Variants in CDH13 observed in about 807,000 individuals in gnomAD.
The protein encoded by CDH13 is cadherin-13.
A neutral mutation model predicts 63.8 loss-of-function variants in CDH13; 24 were observed. That is an observed-to-expected ratio of 0.38 (90% CI 0.27 to 0.53). CDH13 has a LOEUF of 0.53. CDH13 is among the 20% of genes least tolerant of loss of function. The probability of loss-of-function intolerance (pLI) is 0.85; values close to 1 mark genes in which losing one functional copy is unlikely to be tolerated. For synonymous variants in CDH13, 503 were observed against 355.3 expected (o/e 1.42, Z -4.67); for missense variants, 1,049 against 903.1 (o/e 1.16, Z -2.07).
At chr16:83,589,382 A>C in intron 7 of CDH13, among the ~76,000 whole-genome samples, 1 of 131,152 alleles carries the variant, frequency 7.6e-6, no homozygotes, top group African/African-American at 2.8e-5. Context: ...CTCCCCCAAC[A>C]CCATCTTCTC....
intron 7 of CDH13, among the ~76,000 whole-genome samples, chr16:83,526,974 C>CTA (rs1012071046): frequency 6.6e-6 from 1 of 151,296 alleles, no homozygotes; most frequent in Admixed American, 6.6e-5. Flanking sequence ...TATACTAAAA[C>CTA]TACAAAAATT....
At chr16:82,845,461 A>G (rs1490369385) in intron 1 of CDH13, among the ~76,000 whole-genome samples, 2 of 152,208 alleles carry the variant, frequency 1.3e-5, no homozygotes, top group African/African-American at 2.4e-5. Context: ...CGCAGCAGCA[A>G]CTGAGATCAG....
intron 1 of CDH13, among the ~76,000 whole-genome samples, chr16:82,788,172 C>G (rs1286522177): frequency 6.6e-6 from 1 of 152,092 alleles, no homozygotes; most frequent in Non-Finnish European, 1.5e-5. Flanking sequence ...TGTCTCCTTC[C>G]TAGAGAGAGA....
intron 2 of CDH13, among the ~76,000 whole-genome samples, chr16:82,876,652 T>G (rs1247287977): frequency 6.6e-6 from 1 of 152,188 alleles, no homozygotes; most frequent in Non-Finnish European, 1.5e-5. Flanking sequence ...AAGATAGGAA[T>G]AACTTAACTC....
chr16:83,284,568 C>G (rs2089261887), intron 5 of CDH13, among the ~76,000 whole-genome samples: 2 of 152,066 alleles, frequency 1.3e-5, no homozygotes, highest in African/African-American at 2.4e-5. Context: ...AGGGAGGAAA[C>G]TAACATTTCC....
chr16:83,054,657 A>G (rs2030735771), intron 3 of CDH13, among the ~76,000 whole-genome samples: 1 of 152,206 alleles, frequency 6.6e-6, no homozygotes, highest in Non-Finnish European at 1.5e-5. Context: ...CAGAAAGCAA[A>G]ACTACAGATA....
chr16:83,079,875 A>T (rs1752993913), intron 3 of CDH13, among the ~76,000 whole-genome samples: 1 of 152,248 alleles, frequency 6.6e-6, no homozygotes, highest in Non-Finnish European at 1.5e-5. Flanking sequence ...CTGGGGAAAC[A>T]AGTCATTAAA....
chr16:83,275,146 A>G (rs1043161454), intron 5 of CDH13, among the ~76,000 whole-genome samples: 8 of 152,150 alleles, frequency 5.3e-5, no homozygotes, highest in African/African-American at 1.4e-4. Context: ...CATCCAATAC[A>G]TGTTTGAATT....
intron 3 of CDH13, among the ~76,000 whole-genome samples, chr16:83,095,708 A>T (rs1434909690): frequency 6.6e-6 from 1 of 152,190 alleles, no homozygotes; most frequent in South Asian, 2.1e-4. Flanking sequence ...AATCAGAACC[A>T]TGAATTCAGA....
At chr16:82,847,067 C>T (rs2039289821) in intron 1 of CDH13, among the ~76,000 whole-genome samples, 1 of 152,078 alleles carries the variant, frequency 6.6e-6, no homozygotes, top group Non-Finnish European at 1.5e-5. Context: ...CTTCAAATTC[C>T]CTCTCCTATT....
intron 5 of CDH13, among the ~76,000 whole-genome samples, chr16:83,274,725 C>CG (rs776642538): frequency 8.8e-5 from 12 of 136,830 alleles, no homozygotes; most frequent in South Asian, 4.4e-4. Flanking sequence ...CACCTGGTGG[C>CG]AGGGGGGGTG....
chr16:82,945,234 C>G (rs967248332), intron 2 of CDH13, among the ~76,000 whole-genome samples: 1 of 152,174 alleles, frequency 6.6e-6, no homozygotes, highest in African/African-American at 2.4e-5. Context: ...AGTCACTCAA[C>G]TGTGCCCGTG....
intron 2 of CDH13, among the ~76,000 whole-genome samples, chr16:82,998,442 CTT>C (rs1322488668): frequency 1.3e-5 from 2 of 152,084 alleles, no homozygotes; most frequent in East Asian, 3.9e-4. Context: ...TGACATGTAA[CTT>C]TTTCTTTTTC....
chr16:82,920,012 G>C (rs562132870), intron 2 of CDH13, among the ~76,000 whole-genome samples: 1 of 152,284 alleles, frequency 6.6e-6, no homozygotes, highest in East Asian at 1.9e-4. Context: ...GTGTGGGTGG[G>C]GTCACGATCT....
intron 11 of CDH13, among the ~76,000 whole-genome samples, chr16:83,762,877 T>C (rs1914088580): frequency 6.6e-6 from 1 of 152,134 alleles, no homozygotes; most frequent in Admixed American, 6.5e-5. Flanking sequence ...TGAAGACAAA[T>C]ATTTTGCTCC....
intron 5 of CDH13, among the ~76,000 whole-genome samples, chr16:83,255,357 G>A (rs1412999144): frequency 6.6e-6 from 1 of 152,172 alleles, no homozygotes; most frequent in Admixed American, 6.5e-5. Flanking sequence ...GAGTGTATTT[G>A]TGCTTGCATT....
intron 6 of CDH13, among the ~76,000 whole-genome samples, chr16:83,352,438 C>T (rs983312378): frequency 2.6e-5 from 4 of 151,938 alleles, no homozygotes; most frequent in African/African-American, 9.7e-5. Context: ...ATAGAACTAC[C>T]ATTTAATCCA....
At chr16:82,854,599 C>T (rs569882232) in intron 1 of CDH13, among the ~76,000 whole-genome samples, 2 of 152,088 alleles carry the variant, frequency 1.3e-5, no homozygotes, top group African/African-American at 2.4e-5. Context: ...CACGTGTAAG[C>T]GAAGAGTGTG....
intron 1 of CDH13, among the ~76,000 whole-genome samples, chr16:82,770,726 G>T (rs1219750928): frequency 6.6e-6 from 1 of 151,788 alleles, no homozygotes; most frequent in East Asian, 1.9e-4. Flanking sequence ...TTTTTTTCTG[G>T]AGACAGAGTC....
Sources: gnomAD v4.1 joint callset for allele counts (sites outside exome capture counted in the v4.1 genomes callset) on GRCh38, gnomAD v4.1.1 for gene constraint, MANE v1.5 for transcripts, NCBI Gene and HGNC (gene_info 2026-07-23, HGNC 2026-07-21) for gene names.